Variants in SPEN observed in about 807,000 individuals in gnomAD.
SPEN encodes the protein msx2-interacting protein.
A neutral mutation model predicts 269.9 loss-of-function variants in SPEN; 18 were observed. The ratio of observed to expected loss-of-function variants is 0.07; its 90% confidence interval spans 0.05 to 0.10. The LOEUF is 0.10. Among genes scored for constraint, SPEN ranks in the 10% least tolerant of loss-of-function variants. The pLI, the probability that SPEN is intolerant of heterozygous loss-of-function variation, is 1.00. For missense variants in SPEN, 3,822 were observed against 4,631.2 expected (o/e 0.83, Z 5.07); for synonymous variants, 1,726 against 1,765.7 (o/e 0.98, Z 0.56).
Position 15,933,259 on chromosome 1 carries a change from G to A in SPEN, c.7019G>A (p.Arg2340His), listed in dbSNP as rs747993146. 68 of 1,614,000 alleles carry A rather than the reference G, an allele frequency of 4.2e-5. No individual in the cohort carries two copies. Among genetic ancestry groups the A allele is most frequent in the Non-Finnish European group, 5.5e-5 (65 of 1,180,034 alleles). The change falls in exon 11 of 15, where the codon CGC becomes CAC. Residue 2340 changes from arginine to histidine, a missense_variant. This residue lies in a region of SPEN where 727 missense variants were observed against 737.9 expected (regional missense o/e 0.99). Coordinates refer to ENST00000375759, the MANE Select transcript of SPEN (RefSeq NM_015001.3). The surrounding 1 kb of genome is among the most constrained non-coding windows in gnomAD (Gnocchi z 5.7). ...KGRQKTTRSRRKRNTNKKVVA... is the reference protein window; with the variant it reads ...KGRQKTTRSRHKRNTNKKVVA... ...CGCCAGAAAACAACCCGATCACGCC[G>A]CAAGCGAAACACAAACAAGAAAGTG...
Position 15,855,391 on chromosome 1 carries a change from AAG to A in SPEN, c.83+7242_83+7243del, listed in dbSNP as rs542537142. Among the ~76,000 whole-genome samples, 271 of 152,336 alleles carry A rather than the reference AAG, an allele frequency of 1.8e-3. 1 individual carries two copies. The highest frequency in any genetic ancestry group is 0.014 in the Middle Eastern group (4 of 294). On this transcript the variant is annotated intron_variant, in intron 1 of 14. Transcript: ENST00000375759. ...TTCTTTGATTCTTAAAATTGACTAA[AAG>A]TGATTTTTTTTTTACACATCATTTA... is the stretch of plus-strand genomic sequence containing the variant.
rs1291905244 is a variant in SPEN, at chr1:15,940,359, T to C, written c.*932T>C. 4.3e-6 allele frequency: 1 copy of C among 233,018 alleles called. No individual in the cohort carries two copies. The highest frequency in any genetic ancestry group is 6.1e-5 in the East Asian group (1 of 16,528). The allele number at this position is 233,018 out of a possible 1,614,324, so 14.4% of individuals were successfully genotyped here. A position where few individuals can be genotyped will look rare whatever the true frequency, so the allele number is the denominator to read the frequency against. On this transcript the variant is annotated 3_prime_UTR_variant, in exon 15 of 15. Transcript: ENST00000375759. ...TATTACCTTGATCTCTTCCCCCAACTTCCTAACACTTATTAATTTATGAAA... is the reference window on the plus strand; with the variant it reads ...TATTACCTTGATCTCTTCCCCCAACCTCCTAACACTTATTAATTTATGAAA...
intron 10 of SPEN, among the ~76,000 whole-genome samples, chr1:15,926,778 C>T (rs1273341263): frequency 1.3e-5 from 2 of 151,700 alleles, no homozygotes; most frequent in East Asian, 1.9e-4. Context: ...CTGCAAGCTC[C>T]GCCTCCCAGG....
At chr1:15,926,906 A>G (rs182911287) in intron 10 of SPEN, among the ~76,000 whole-genome samples, 101 of 152,078 alleles carry the variant, frequency 6.6e-4, no homozygotes, top group Non-Finnish European at 1.0e-3. Context: ...GTTAGCCAGG[A>G]TGGTCTTGAT....
intron 2 of SPEN, chr1:15,873,464 C>T: frequency 9.6e-7 from 1 of 1,038,338 alleles, no homozygotes; most frequent in Non-Finnish European, 1.2e-6. Flanking sequence ...GGATATATCC[C>T]TTCTACCTGA....
intron 3 of SPEN, among the ~76,000 whole-genome samples, chr1:15,888,921 C>T (rs533133693): frequency 3.9e-5 from 6 of 152,000 alleles, no homozygotes; most frequent in Admixed American, 6.6e-5. Context: ...TGAACCACTG[C>T]GCCCGGCCAA....
chr1:15,856,151 G>A (rs1022578599), intron 1 of SPEN, among the ~76,000 whole-genome samples: 1 of 151,304 alleles, frequency 6.6e-6, no homozygotes, highest in South Asian at 2.1e-4. Flanking sequence ...CACCACACCC[G>A]GCTAATTTTT....
intron 1 of SPEN, among the ~76,000 whole-genome samples, chr1:15,853,534 C>T (rs746651012): frequency 6.6e-6 from 1 of 151,970 alleles, no homozygotes; most frequent in Non-Finnish European, 1.5e-5. Context: ...TGCTCTGTCA[C>T]CCAGGCTGGA....
intron 5 of SPEN, among the ~76,000 whole-genome samples, chr1:15,911,822 G>C (rs770124884): frequency 2.0e-5 from 3 of 152,176 alleles, no homozygotes; most frequent in African/African-American, 7.2e-5. Context: ...TTAGCTGGGC[G>C]TGGTGGCGCA....
Position 15,937,024 on chromosome 1 carries a change from A to C in SPEN, c.10027-139A>C. The stretch of plus-strand genomic sequence containing the variant: ...ACCCCGAAAGCAGCTCCGTTGATTC[A>C]GGCTCCTTCTGTGGGCCTGACTTAA... On this transcript the variant is annotated intron_variant, in intron 11 of 14. Coordinates refer to ENST00000375759, the MANE Select transcript of SPEN (RefSeq NM_015001.3). This position sits in a 1 kb window ranked among gnomAD's most constrained non-coding sequence, Gnocchi z 5.7. 1 of 1,292,944 alleles carries C rather than the reference A, an allele frequency of 7.7e-7. No homozygotes were observed. Among genetic ancestry groups the C allele is most frequent in the Non-Finnish European group, 1.1e-6 (1 of 940,748 alleles). 80.1% of individuals were successfully genotyped at this position (1,292,944 alleles called of 1,614,324 possible).
rs1401116306 is a variant in SPEN, at chr1:15,927,531, T to TAA, written c.1851-560_1851-559insAA. ...CAAAATTTTAGTTAAAATTTTTATC[T>TAA]GTTTTTCTAAACAGTGGATTTATTT... On this transcript the variant is annotated intron_variant, in intron 10 of 14. Transcript: ENST00000375759. Among the ~76,000 whole-genome samples the TAA allele has an allele frequency of 2.2e-4, 34 of 152,336 alleles. No homozygotes were observed. In the East Asian group the frequency reaches 6.0e-3, roughly 27 times the overall value.
chr1:15,852,421 TTA>T (rs1301778026), intron 1 of SPEN, among the ~76,000 whole-genome samples: 1 of 151,940 alleles, frequency 6.6e-6, no homozygotes, highest in African/African-American at 2.4e-5. Context: ...ACATTAAAAA[TTA>T]CACAGAATAA....
intron 3 of SPEN, among the ~76,000 whole-genome samples, chr1:15,908,555 T>G (rs1327331162): frequency 1.3e-5 from 2 of 152,158 alleles, no homozygotes; most frequent in Non-Finnish European, 2.9e-5. Context: ...CCCGAGTGGC[T>G]GGGACTGCAG....
chr1:15,859,913 T>TTTTTTTTA (rs2070426712), intron 1 of SPEN, among the ~76,000 whole-genome samples: 4 of 116,232 alleles, frequency 3.4e-5, no homozygotes, highest in Non-Finnish European at 7.0e-5. Flanking sequence ...ATCTTTTTTT[T>TTTTTTTTA]TTTTTTTTTT....
In SPEN at chr1:15,932,603, T is replaced by C. The variant is rs267598141; in HGVS notation, c.6363T>C (p.Pro2121=). Residue 2121 remains proline, a synonymous_variant, in exon 11 of 15, where the codon CCT becomes CCC. Coordinates refer to ENST00000375759, the MANE Select transcript of SPEN (RefSeq NM_015001.3). The surrounding 1 kb of genome is among the most constrained non-coding windows in gnomAD (Gnocchi z 4.2). ...AATCTGGGGTGGTGGCAGTCTCCCC[T>C]GAGAAAAGTGAGAGTCCCCAAAAGG... is the stretch of plus-strand genomic sequence containing the variant. ...ERESGVVAVS[P]EKSESPQKED... is the part of the protein sequence containing the mutation. 1.2e-6 allele frequency: 2 copies of C among 1,606,566 alleles called. No individual in the cohort carries two copies. Among genetic ancestry groups the C allele is most frequent in the South Asian group, 1.1e-5 (1 of 90,336 alleles).
chr1:15,900,066 G>A (rs1004873861), intron 3 of SPEN, among the ~76,000 whole-genome samples: 3 of 152,026 alleles, frequency 2.0e-5, no homozygotes, highest in African/African-American at 7.2e-5. Context: ...GGGTGGTCTT[G>A]AACTCCTGAC....
At chr1:15,913,659 C>A (rs1275255048) in intron 5 of SPEN, among the ~76,000 whole-genome samples, 2 of 151,686 alleles carry the variant, frequency 1.3e-5, no homozygotes. Context: ...GAGGCTGAGG[C>A]AGGAGGATCG....
intron 1 of SPEN, among the ~76,000 whole-genome samples, chr1:15,858,435 C>T (rs562302503): frequency 2.6e-5 from 4 of 152,238 alleles, no homozygotes; most frequent in South Asian, 2.1e-4. Flanking sequence ...GTATTGCCAC[C>T]GTGTAGTCCT....
rs1389112758 is a variant in SPEN, at chr1:15,911,120, C to T, written c.1062C>T (p.Gly354=). 1.9e-6 allele frequency: 3 copies of T among 1,613,284 alleles called. No homozygotes were observed. Among genetic ancestry groups the T allele is most frequent in the Non-Finnish European group, 8.5e-7 (1 of 1,179,768 alleles). ...ATTTAGATACAAGCCTTAAAGATGG[C>T]CTTTTCCATGAATTTAAGAAATTTG... ...VRSTDTSLKD[G]LFHEFKKFGK... The change falls in exon 5 of 15, where the codon GGC becomes GGT. Residue 354 remains glycine (G), a synonymous_variant. Transcript: ENST00000375759.
Sources: gnomAD v4.1 joint callset for allele counts (sites outside exome capture counted in the v4.1 genomes callset) on GRCh38, gnomAD v4.1.1 for gene constraint, gnomAD v4.1.1 regional missense constraint, Gnocchi (gnomAD v3.1) non-coding constraint, MANE v1.5 for transcripts, NCBI Gene and HGNC (gene_info 2026-07-23, HGNC 2026-07-21) for gene names.